Variants in PDE10A observed in about 807,000 individuals in gnomAD.
The protein encoded by PDE10A is cAMP and cAMP-inhibited cGMP 3',5'-cyclic phosphodiesterase 10A.
Under a neutral mutation model 97.7 loss-of-function variants are expected in PDE10A, and 39 were observed. That is an observed-to-expected ratio of 0.40 (90% CI 0.31 to 0.52). The LOEUF (loss-of-function observed/expected upper bound fraction) is 0.52, where lower values mean the gene tolerates loss of function less well. Ranked by LOEUF, PDE10A falls within the 20% of genes least tolerant of loss-of-function variation. The probability of loss-of-function intolerance (pLI) is 0.56; values close to 1 mark genes in which losing one functional copy is unlikely to be tolerated. For missense variants in PDE10A, 731 were observed against 1,047.8 expected (o/e 0.70, Z 4.17); for synonymous variants, 371 against 376.8 (o/e 0.98, Z 0.18).
intron 1 of PDE10A, among the ~76,000 whole-genome samples, chr6:165,901,317 A>G (rs1562789890): frequency 6.6e-6 from 1 of 152,188 alleles, no homozygotes; most frequent in Non-Finnish European, 1.5e-5. Context: ...CACACCAGGT[A>G]TGTCTTCAAT....
chr6:165,589,392 T>C (rs1276991149), intron 1 of PDE10A, among the ~76,000 whole-genome samples: 1 of 152,180 alleles, frequency 6.6e-6, no homozygotes, highest in African/African-American at 2.4e-5. Flanking sequence ...ATTTATTACT[T>C]TATATTTAAA....
At chr6:165,473,302 C>A (rs991681357) in intron 3 of PDE10A, among the ~76,000 whole-genome samples, 1 of 152,152 alleles carries the variant, frequency 6.6e-6, no homozygotes, top group Non-Finnish European at 1.5e-5. Context: ...CTGGATTAGA[C>A]TGGTTTCAAT....
chr6:165,878,935 A>T (rs6902680), intron 1 of PDE10A, among the ~76,000 whole-genome samples: 26,694 of 152,166 alleles, frequency 0.18, 2,491 homozygotes, highest in Admixed American at 0.23. Flanking sequence ...GTCTGCTGAC[A>T]TCTTGATTTT....
intron 1 of PDE10A, among the ~76,000 whole-genome samples, chr6:165,762,025 T>C (rs1793262938): frequency 6.6e-6 from 1 of 152,230 alleles, no homozygotes; most frequent in African/African-American, 2.4e-5. Flanking sequence ...CTTTGTCTTA[T>C]ATGAGTTCCT....
intron 13 of PDE10A, among the ~76,000 whole-genome samples, chr6:165,396,796 G>A (rs1330912547): frequency 6.6e-6 from 1 of 152,112 alleles, no homozygotes; most frequent in African/African-American, 2.4e-5. Context: ...ATCAGAAAAT[G>A]AATATTTGTA....
intron 1 of PDE10A, among the ~76,000 whole-genome samples, chr6:165,894,065 C>G (rs1358281358): frequency 5.3e-5 from 8 of 152,106 alleles, no homozygotes; most frequent in Admixed American, 2.0e-4. Context: ...CATCAAGGAC[C>G]AACTGTGCAT....
At chr6:165,450,150 C>A in intron 4 of PDE10A, 92 bp downstream of exon 4, 6 of 787,650 alleles carry the variant, frequency 7.6e-6, no homozygotes, top group South Asian at 4.9e-5. Flanking sequence ...ATATAAATGA[C>A]TTTCATCTGC....
chr6:165,872,267 C>T (rs887870848), intron 1 of PDE10A, among the ~76,000 whole-genome samples: 1 of 152,188 alleles, frequency 6.6e-6, no homozygotes, highest in Non-Finnish European at 1.5e-5. Flanking sequence ...GCAAATAAAA[C>T]GTTTTTAAGT....
intron 5 of PDE10A, among the ~76,000 whole-genome samples, chr6:165,446,727 G>A (rs538418668): frequency 6.6e-6 from 1 of 152,254 alleles, no homozygotes; most frequent in Admixed American, 6.5e-5. Context: ...GATCTGACTT[G>A]GGAAGCTCAG....
chr6:165,612,113 T>C (rs893718749), intron 1 of PDE10A, among the ~76,000 whole-genome samples: 4 of 152,236 alleles, frequency 2.6e-5, no homozygotes, highest in Non-Finnish European at 5.9e-5. Context: ...AGCCCATCCA[T>C]GCTAAATTGA....
intron 1 of PDE10A, among the ~76,000 whole-genome samples, chr6:165,654,839 C>T (rs1310624121): frequency 2.0e-5 from 3 of 152,180 alleles, no homozygotes; most frequent in African/African-American, 7.2e-5. Flanking sequence ...CTGGCTTCTT[C>T]CCTCTTGAGG....
intron 1 of PDE10A, among the ~76,000 whole-genome samples, chr6:165,643,619 T>A (rs979742190): frequency 6.6e-6 from 1 of 152,032 alleles, no homozygotes; most frequent in African/African-American, 2.4e-5. Context: ...CTGAATGACC[T>A]CGCTTATATT....
chr6:165,654,696 A>T (rs1789847543), intron 1 of PDE10A, among the ~76,000 whole-genome samples: 1 of 152,166 alleles, frequency 6.6e-6, no homozygotes, highest in African/African-American at 2.4e-5. Context: ...CCCACAGCTG[A>T]GATTCAAAAG....
rs192056026 is a variant in PDE10A, at chr6:165,855,758, C to G, written c.-615+131771G>C. ...CACCGAGGAGCCCGCAACGGGTGAG[C>G]CTTTGCAATTTGAAAACATGAATAA... On this transcript the variant is annotated intron_variant, in intron 1 of 19. Transcript: ENST00000366882. Among the ~76,000 whole-genome samples the G allele has an allele frequency of 4.6e-5, 7 of 152,076 alleles. No homozygotes were observed. The East Asian group carries it at 1.4e-3, about 29-fold the overall frequency.
chr6:165,812,472 C>G (rs1417748497), intron 1 of PDE10A, among the ~76,000 whole-genome samples: 1 of 151,976 alleles, frequency 6.6e-6, no homozygotes, highest in African/African-American at 2.4e-5. Flanking sequence ...TCTTAAAAGT[C>G]TAGGTGAAGA....
At chr6:165,682,115 TC>T (rs1188550609) in intron 1 of PDE10A, among the ~76,000 whole-genome samples, 1 of 152,122 alleles carries the variant, frequency 6.6e-6, no homozygotes, top group Non-Finnish European at 1.5e-5. Flanking sequence ...AGGTTTTTAT[TC>T]CCCAACCCCA....
At chr6:165,810,034 C>G (rs961475238) in intron 1 of PDE10A, among the ~76,000 whole-genome samples, 1 of 152,194 alleles carries the variant, frequency 6.6e-6, no homozygotes, top group Admixed American at 6.5e-5. Context: ...GGAGGATCCT[C>G]TCTCTGGGAC....
At chr6:165,596,685 G>A (rs894340925) in intron 1 of PDE10A, among the ~76,000 whole-genome samples, 6 of 152,104 alleles carry the variant, frequency 3.9e-5, no homozygotes, top group African/African-American at 1.4e-4. Context: ...AGCCATGATT[G>A]TACCACTGCA....
chr6:165,763,191 T>A (rs1284769624), intron 1 of PDE10A, among the ~76,000 whole-genome samples: 1 of 152,194 alleles, frequency 6.6e-6, no homozygotes, highest in Non-Finnish European at 1.5e-5. Context: ...CCCTCATTTG[T>A]ATCATGTAAC....
Sources: allele counts gnomAD v4.1 joint callset (sites outside exome capture counted in the v4.1 genomes callset), GRCh38; gene constraint gnomAD v4.1.1; transcripts MANE v1.5; gene names NCBI Gene and HGNC (gene_info 2026-07-23, HGNC 2026-07-21).